ROBO2: variants seen among roughly 807,000 people sequenced by gnomAD.
The protein encoded by ROBO2 is roundabout homolog 2.
Under a neutral mutation model 160.8 loss-of-function variants are expected in ROBO2, and 53 were observed. The ratio of observed to expected loss-of-function variants is 0.33; its 90% CI spans 0.26 to 0.41. The LOEUF (loss-of-function observed/expected upper bound fraction) is 0.41, where lower values mean the gene tolerates loss of function less well. Ranked by LOEUF, ROBO2 falls within the 10% of genes least tolerant of loss-of-function variation. The pLI is 1.00. For synonymous variants in ROBO2, 664 were observed against 611.7 expected (o/e 1.09, Z -1.26); for missense variants, 1,577 against 1,722.4 (o/e 0.92, Z 1.49).
rs9846374 is a variant in ROBO2 at position 77,164,757 on chromosome 3, A to G, written c.388+66417A>G. Among the ~76,000 whole-genome samples the G allele has an allele frequency of 7.6e-3, 251 of 33,202 alleles. 49 individuals are homozygous for G. The highest frequency in any genetic ancestry group is 0.026 in the East Asian group (5 of 194). 21.8% of individuals were successfully genotyped at this position (33,202 alleles called of 152,430 possible). On this transcript the variant is annotated intron_variant, in intron 2 of 25. Coordinates refer to ENST00000461745, the Ensembl canonical transcript of ROBO2. ...GGCCAGCCACCCCGTCCGGGAGGGA[A>G]GTGGGGGGGTCAGACCCCCGCCCGG... is the stretch of plus-strand genomic sequence containing the variant.
intron 2 of ROBO2, among the ~76,000 whole-genome samples, chr3:77,192,763 A>C (rs889566458): frequency 6.8e-6 from 1 of 146,214 alleles, no homozygotes; most frequent in Non-Finnish European, 1.5e-5. Flanking sequence ...CTGGTGCCTC[A>C]GCCCCCCAAG....
intron 2 of ROBO2, among the ~76,000 whole-genome samples, chr3:76,328,883 AATAT>A (rs10544435): frequency 1.4e-5 from 2 of 144,348 alleles, no homozygotes; most frequent in African/African-American, 2.6e-5. Context: ...AACAAAAACA[AATAT>A]ATATATATAT....
chr3:77,629,569 A>AT (rs1250911995), intron 23 of ROBO2: 3 of 152,276 alleles, frequency 2.0e-5, no homozygotes, highest in Admixed American at 6.5e-5. Context: ...CTTAATGTAA[A>AT]TTTTTTATCT....
intron 2 of ROBO2, among the ~76,000 whole-genome samples, chr3:76,794,524 G>T (rs1037962391): frequency 2.6e-5 from 4 of 151,710 alleles, no homozygotes; most frequent in African/African-American, 9.7e-5. Flanking sequence ...AAGCTGTATG[G>T]GTTATTTTCA....
chr3:77,631,216 T>C (rs763963712), intron 23 of ROBO2: 3 of 152,092 alleles, frequency 2.0e-5, no homozygotes, highest in Non-Finnish European at 4.4e-5. Flanking sequence ...TAACACCCTT[T>C]TAACTTCTCC....
chr3:77,551,132 T>C (rs1269055131), intron 8 of ROBO2, 143 bp downstream of exon 9: 10 of 870,918 alleles, frequency 1.1e-5, no homozygotes, highest in African/African-American at 1.7e-5. Flanking sequence ...CACATTCTTT[T>C]GGTAGTTTCT....
intron 2 of ROBO2, among the ~76,000 whole-genome samples, chr3:77,216,354 T>C (rs2084945333): frequency 6.6e-6 from 1 of 152,162 alleles, no homozygotes; most frequent in Non-Finnish European, 1.5e-5. Flanking sequence ...CAAGACTCCG[T>C]GGGCATAGGA....
intron 2 of ROBO2, among the ~76,000 whole-genome samples, chr3:77,031,831 C>A (rs1344699256): frequency 6.6e-6 from 1 of 151,606 alleles, no homozygotes. Flanking sequence ...TCCATTCAGG[C>A]TGCTATAACA....
chr3:76,515,834 T>C (rs149409283), intron 2 of ROBO2, among the ~76,000 whole-genome samples: 6 of 152,316 alleles, frequency 3.9e-5, no homozygotes, highest in African/African-American at 1.2e-4. Context: ...CTGTCACTTA[T>C]AGAAAACCTA....
chr3:76,849,654 C>T (rs1484247990), intron 2 of ROBO2, among the ~76,000 whole-genome samples: 1 of 152,004 alleles, frequency 6.6e-6, no homozygotes, highest in African/African-American at 2.4e-5. Context: ...TTTGACATGG[C>T]ATAATTATGG....
intron 2 of ROBO2, among the ~76,000 whole-genome samples, chr3:76,649,856 T>C (rs1056225662): frequency 6.6e-6 from 1 of 152,248 alleles, no homozygotes. Flanking sequence ...AAAACCATAT[T>C]AACAAACTGT....
intron 2 of ROBO2, among the ~76,000 whole-genome samples, chr3:76,053,277 C>T (rs1576648100): frequency 6.6e-6 from 1 of 151,922 alleles, no homozygotes; most frequent in Non-Finnish European, 1.5e-5. Context: ...TTACATCTAA[C>T]GCAAAGTTAC....
intron 2 of ROBO2, among the ~76,000 whole-genome samples, chr3:75,967,409 G>T (rs897352621): frequency 6.6e-6 from 1 of 151,438 alleles, no homozygotes; most frequent in African/African-American, 2.4e-5. Context: ...TTCTATAACT[G>T]GAGACAACTG....
At chr3:75,971,325 A>G (rs115805292) in intron 2 of ROBO2, among the ~76,000 whole-genome samples, 95 of 151,646 alleles carry the variant, frequency 6.3e-4, no homozygotes, top group Non-Finnish European at 1.2e-3. Flanking sequence ...GAACAACATC[A>G]TAAAACCTGA....
intron 2 of ROBO2, among the ~76,000 whole-genome samples, chr3:76,341,962 G>A (rs958846219): frequency 6.6e-6 from 1 of 152,094 alleles, no homozygotes; most frequent in African/African-American, 2.4e-5. Flanking sequence ...AGTTAGGGGC[G>A]TATAACATAA....
chr3:76,031,574 G>A (rs902765564), intron 2 of ROBO2, among the ~76,000 whole-genome samples: 6 of 152,074 alleles, frequency 3.9e-5, no homozygotes, highest in African/African-American at 1.2e-4. Context: ...TAGCATGAAG[G>A]GCTGTTGAAT....
chr3:76,317,854 A>G (rs2072171888), intron 2 of ROBO2, among the ~76,000 whole-genome samples: 1 of 151,992 alleles, frequency 6.6e-6, no homozygotes, highest in Non-Finnish European at 1.5e-5. Flanking sequence ...GGAAAATTCC[A>G]TATATATAAG....
At chr3:75,921,248 T>C (rs899168170) in intron 1 of ROBO2, among the ~76,000 whole-genome samples, 7 of 151,168 alleles carry the variant, frequency 4.6e-5, no homozygotes, top group African/African-American at 1.7e-4. Context: ...TCTCTCAGCA[T>C]CTGCTTGTCT....
intron 2 of ROBO2, among the ~76,000 whole-genome samples, chr3:77,400,831 T>A (rs2075731425): frequency 6.6e-6 from 1 of 152,154 alleles, no homozygotes; most frequent in African/African-American, 2.4e-5. Flanking sequence ...TTAAGTGAGT[T>A]GTTAAAATTC....
Sources: gnomAD v4.1 joint callset for allele counts (sites outside exome capture counted in the v4.1 genomes callset) on GRCh38, gnomAD v4.1.1 for gene constraint, MANE v1.5 for transcripts, NCBI Gene and HGNC (gene_info 2026-07-23, HGNC 2026-07-21) for gene names.